TAFA5: variants seen among roughly 807,000 people sequenced by gnomAD.
The protein encoded by TAFA5 is TAFA chemokine like family member 5.
In TAFA5, 6 loss-of-function variants were observed where a neutral mutation model predicts 15.3. The observed-to-expected ratio is 0.39, with a 90% CI of 0.21 to 0.77. The LOEUF is 0.77. Ranked by LOEUF, TAFA5 falls within the 30% of genes least tolerant of loss-of-function variation. The pLI, the probability that TAFA5 is intolerant of heterozygous loss-of-function variation, is 0.41. For synonymous variants in TAFA5, 103 were observed against 80.7 expected (o/e 1.28, Z -1.48); for missense variants, 161 against 193.1 (o/e 0.83, Z 0.98).
chr22:48,664,765 A>G (rs1927555835), intron 2 of TAFA5, among the ~76,000 whole-genome samples: 1 of 152,128 alleles, frequency 6.6e-6, no homozygotes, highest in Non-Finnish European at 1.5e-5. Flanking sequence ...CCGTGCTGTC[A>G]TGTGTGGTGA....
intron 1 of TAFA5, among the ~76,000 whole-genome samples, chr22:48,548,557 A>G (rs1023795090): frequency 6.6e-6 from 1 of 152,184 alleles, no homozygotes; most frequent in Non-Finnish European, 1.5e-5. Context: ...CCCAGGCTCC[A>G]GGCTCTGGGG....
chr22:48,636,516 C>A (rs1327565481), intron 1 of TAFA5, among the ~76,000 whole-genome samples: 1 of 32,006 alleles, frequency 3.1e-5, no homozygotes, highest in Non-Finnish European at 5.3e-5. Flanking sequence ...AGGCACTTAA[C>A]TTATGAGTCA....
At chr22:48,650,071 A>T (rs1177898637) in intron 2 of TAFA5, among the ~76,000 whole-genome samples, 1 of 152,128 alleles carries the variant, frequency 6.6e-6, no homozygotes, top group Non-Finnish European at 1.5e-5. Context: ...GCTGCCATCT[A>T]ATTTAATTTT....
intron 1 of TAFA5, among the ~76,000 whole-genome samples, chr22:48,634,495 CTTTACTCA>C (rs61135127): frequency 0.85 from 128,716 of 151,520 alleles, 55,025 homozygotes; most frequent in East Asian, 1. Context: ...TCCTTGACTC[CTTTACTCA>C]TTTACTCATT....
At chr22:48,687,774 G>C (rs1183554413) in intron 2 of TAFA5, among the ~76,000 whole-genome samples, 3 of 152,104 alleles carry the variant, frequency 2.0e-5, no homozygotes, top group Non-Finnish European at 4.4e-5. Flanking sequence ...CCACCTCTGA[G>C]GGGGGAACAT....
At chr22:48,686,808 TGGATTGGAGGAA>T (rs1026448551) in intron 2 of TAFA5, among the ~76,000 whole-genome samples, 2 of 150,264 alleles carry the variant, frequency 1.3e-5, no homozygotes, top group Non-Finnish European at 3.0e-5. Flanking sequence ...GATGGATGGA[TGGATTGGAGGAA>T]GGATGGACTG....
chr22:48,648,480 G>A (rs185749230), intron 2 of TAFA5, among the ~76,000 whole-genome samples: 2 of 152,264 alleles, frequency 1.3e-5, no homozygotes, highest in East Asian at 3.9e-4. Context: ...AAGGGATGGG[G>A]CGTACAGAGA....
intron 3 of TAFA5, among the ~76,000 whole-genome samples, chr22:48,710,067 G>A (rs1404700749): frequency 6.6e-6 from 1 of 152,160 alleles, no homozygotes; most frequent in African/African-American, 2.4e-5. Context: ...CAGGGCATTT[G>A]CATCCCCCTG....
chr22:48,580,896 GC>G (rs528079013), intron 1 of TAFA5, among the ~76,000 whole-genome samples: 125 of 152,226 alleles, frequency 8.2e-4, no homozygotes, highest in Non-Finnish European at 1.6e-3. Flanking sequence ...TGTTTTTATG[GC>G]CCTGATGAGG....
chr22:48,571,580 T>TG (rs1923590618), intron 1 of TAFA5, among the ~76,000 whole-genome samples: 10 of 124,840 alleles, frequency 8.0e-5, no homozygotes, highest in Non-Finnish European at 9.7e-5. Context: ...GCCTGTTTTT[T>TG]TTTTTTTTTT....
intron 1 of TAFA5, among the ~76,000 whole-genome samples, chr22:48,503,304 G>A (rs763633796): frequency 3.9e-5 from 6 of 152,250 alleles, no homozygotes; most frequent in African/African-American, 1.4e-4. Flanking sequence ...AAGTCTGGCT[G>A]GTGCCAGGTG....
chr22:48,624,382 A>G (rs1387439731), intron 1 of TAFA5, among the ~76,000 whole-genome samples: 1 of 152,152 alleles, frequency 6.6e-6, no homozygotes, highest in Non-Finnish European at 1.5e-5. Flanking sequence ...TTGGAAGAGC[A>G]TCCCTAGGTG....
At chr22:48,639,936 G>A (rs771463972) in intron 1 of TAFA5, among the ~76,000 whole-genome samples, 3 of 151,800 alleles carry the variant, frequency 2.0e-5, no homozygotes, top group Non-Finnish European at 2.9e-5. Flanking sequence ...AATCGTGACC[G>A]CACCCCCCCA....
chr22:48,522,985 G>A (rs375256735), intron 1 of TAFA5, among the ~76,000 whole-genome samples: 2 of 152,248 alleles, frequency 1.3e-5, no homozygotes, highest in Admixed American at 6.5e-5. Context: ...AAGGGGCTGC[G>A]GCAGCTGGAG....
intron 1 of TAFA5, among the ~76,000 whole-genome samples, chr22:48,631,693 G>A (rs1353672793): frequency 1.3e-5 from 2 of 152,234 alleles, no homozygotes; most frequent in Non-Finnish European, 2.9e-5. Flanking sequence ...GCTCTTGCCC[G>A]ACCACAGCTT....
intron 2 of TAFA5, among the ~76,000 whole-genome samples, chr22:48,706,170 A>G (rs140321682): frequency 3.9e-5 from 6 of 152,332 alleles, no homozygotes; most frequent in Middle Eastern, 3.4e-3. Context: ...CAGCCCAGAC[A>G]CTGGGTTCTC....
intron 2 of TAFA5, among the ~76,000 whole-genome samples, chr22:48,668,856 G>A (rs886912959): frequency 2.6e-5 from 4 of 152,204 alleles, no homozygotes; most frequent in Non-Finnish European, 4.4e-5. Flanking sequence ...AGGCTGCTGC[G>A]GGGGGTCTCA....
intron 1 of TAFA5, among the ~76,000 whole-genome samples, chr22:48,593,895 C>T (rs1924666347): frequency 6.6e-6 from 1 of 152,246 alleles, no homozygotes; most frequent in Non-Finnish European, 1.5e-5. Context: ...TCACAGCACA[C>T]AGAGTGCACG....
intron 1 of TAFA5, among the ~76,000 whole-genome samples, chr22:48,631,084 C>T (rs901621309): frequency 1.1e-4 from 16 of 152,166 alleles, no homozygotes; most frequent in African/African-American, 2.7e-4. Flanking sequence ...TTTCTAAGGA[C>T]GGACCTCCTG....
Sources: gnomAD v4.1 joint callset for allele counts (sites outside exome capture counted in the v4.1 genomes callset) on GRCh38, gnomAD v4.1.1 for gene constraint, MANE v1.5 for transcripts, NCBI Gene and HGNC (gene_info 2026-07-23, HGNC 2026-07-21) for gene names.